The following PADI6 variants were observed in gnomAD, a reference collection of about 807,000 sequenced individuals.
The protein encoded by PADI6 is inactive protein-arginine deiminase type-6.
In PADI6, 66 loss-of-function variants were observed where a neutral mutation model predicts 78.2. The ratio of observed to expected loss-of-function variants is 0.84; its 90% CI spans 0.69 to 1.04. The LOEUF is 1.04. Among genes scored for constraint, PADI6 ranks in the 50% least tolerant of loss-of-function variants. The pLI is 0.00. For missense variants in PADI6, 854 were observed against 866.1 expected, an observed-to-expected ratio of 0.99 and a Z score of 0.18; for synonymous variants, 397 against 346.9, an observed-to-expected ratio of 1.14 and a Z score of -1.60.
At chr1:17,380,490 G>C (rs1371980403) in intron 4 of PADI6, among the ~76,000 whole-genome samples, 1 of 152,136 alleles carries the variant, frequency 6.6e-6, no homozygotes, top group East Asian at 1.9e-4. Context: ...GCCTCAGCCT[G>C]CCGAGTAGCT....
rs2489608 is a variant in PADI6 at position 17,398,857 on chromosome 1, G to A, written c.1851+10G>A. 418 of 1,612,580 alleles carry A rather than the reference G, an allele frequency of 2.6e-4. 1 individual carries two copies. The African/African-American group carries it at 3.8e-3, about 15-fold the overall frequency. ...ATACTTCCCTGACCTGGTGAGGGGC[G>A]ACTGCGCATCCCTGGGTGGGGGAGG... On this transcript the variant is annotated intron_variant, in intron 15 of 15. Transcript: ENST00000619609.
chr1:17,375,311 A>T, intron 2 of PADI6, 116 bp from the exon 3 acceptor site: 1 of 929,656 alleles, frequency 1.1e-6, no homozygotes, highest in Non-Finnish European at 1.7e-6. Context: ...GTGAGACTTC[A>T]GAAGCCATAA....
intron 6 of PADI6, among the ~76,000 whole-genome samples, chr1:17,384,461 C>G (rs959927674): frequency 1.3e-5 from 2 of 151,522 alleles, no homozygotes; most frequent in Non-Finnish European, 2.9e-5. Flanking sequence ...GAAGCCTGGC[C>G]AGGCGTGGTG....
rs1201389222 is a variant in PADI6 at position 17,401,338 on chromosome 1, A to G, written c.1985A>G (p.Asn662Ser). 1.5e-5 allele frequency: 24 copies of G among 1,614,064 alleles called. No individual in the cohort carries two copies. In the East Asian group the frequency reaches 1.6e-4, roughly 10 times the overall value. ...EPLGFKCTFI[N>S]DFDCYLTEVG... The stretch of plus-strand genomic sequence containing the variant: ...CTGGGCTTCAAGTGCACCTTCATCA[A>G]TGACTTTGACTGTTACCTGACAGAG... Residue 662 changes from asparagine (N) to serine (S), a missense_variant, in exon 16 of 16, where the codon AAT becomes AGT. Transcript: ENST00000619609.
Position 17,401,373 on chromosome 1 carries a change from A to C in PADI6, c.2020A>C (p.Ile674Leu), listed in dbSNP as rs769702877. ...CTGTTACCTGACAGAGGTCGGAGAC[A>C]TCTGTGCCTGTGCCAACATCCGCCG... ...FDCYLTEVGDICACANIRRVP... is the reference protein window; with the variant it reads ...FDCYLTEVGDLCACANIRRVP... Residue 674 changes from isoleucine to leucine, a missense_variant, in exon 16 of 16, where the codon ATC (isoleucine) becomes CTC (leucine). Ile to Leu is a conservative substitution (Grantham distance 5, BLOSUM62 2). Transcript: ENST00000619609. 6.2e-7 allele frequency: 1 copy of C among 1,614,082 alleles called. No individual in the cohort carries two copies.
rs555155489 is a variant in PADI6 at position 17,377,404 on chromosome 1, C to T, written c.367+1905C>T. On this transcript the variant is annotated intron_variant, in intron 3 of 15. Transcript: ENST00000619609. ...AGGAGCTCTTCTCAGTCCTTTGTCC[C>T]GCTGCTTCCAGTCAGTGAAGTGTCT... 7.9e-5 allele frequency among the ~76,000 whole-genome samples: 12 copies of T among 152,232 alleles called. No individual in the cohort carries two copies. In the South Asian group the frequency reaches 1.7e-3, roughly 21 times the overall value.
At position 17,372,235 on chromosome 1, in the gene PADI6, C is replaced by G; in HGVS notation, c.-11C>G. ...GCTGTGCTGAGTGAGGGCTGCGGTG[C>G]AGGCCTGAGGATGGTCAGCGTGGAG... On this transcript the variant is annotated 5_prime_UTR_variant, in exon 1 of 16. Coordinates refer to ENST00000619609, the MANE Select transcript of PADI6 (RefSeq NM_207421.4). 1 of 1,612,236 alleles carries G rather than the reference C, an allele frequency of 6.2e-7. No homozygotes were observed. The highest frequency in any genetic ancestry group is 8.5e-7 in the Non-Finnish European group (1 of 1,178,286).
intron 6 of PADI6, among the ~76,000 whole-genome samples, chr1:17,383,587 C>A (rs1557600319): frequency 1.3e-5 from 2 of 152,354 alleles, no homozygotes; most frequent in East Asian, 3.9e-4. Context: ...GTGGCTCATG[C>A]CTCTAATCCC....
In PADI6 at chr1:17,401,661, T is replaced by C; in HGVS notation, c.*223T>C. ...GCAAAAGTGTTCAGCCAAGTGACGT[T>C]TACTAAATAGCCAATAAAGGGCTGG... On this transcript the variant is annotated 3_prime_UTR_variant, in exon 16 of 16. Coordinates refer to ENST00000619609, the MANE Select transcript of PADI6 (RefSeq NM_207421.4). 1 of 556,646 alleles carries C rather than the reference T, an allele frequency of 1.8e-6. No individual in the cohort carries two copies. The highest frequency in any genetic ancestry group is 3.2e-6 in the Non-Finnish European group (1 of 312,282). 34.5% of individuals were successfully genotyped at this position (556,646 alleles called of 1,614,324 possible). A position where few individuals can be genotyped will look rare whatever the true frequency, so the allele number is the denominator to read the frequency against.
At chr1:17,388,077 C>A (rs2075139786) in intron 6 of PADI6, among the ~76,000 whole-genome samples, 1 of 152,200 alleles carries the variant, frequency 6.6e-6, no homozygotes, top group Non-Finnish European at 1.5e-5. Context: ...GTAGAACCAC[C>A]TACCCTGAGG....
intron 13 of PADI6, 42 bp downstream of exon 13, chr1:17,395,705 CT>C: frequency 4.4e-6 from 7 of 1,574,090 alleles, no homozygotes; most frequent in Admixed American, 3.5e-5. Flanking sequence ...TGGGGTCTTC[CT>C]TTTTCCAGGG....
intron 15 of PADI6, 52 bp from the exon 16 acceptor site, chr1:17,401,153 T>C: frequency 6.4e-7 from 1 of 1,566,246 alleles, no homozygotes; most frequent in South Asian, 1.1e-5. Context: ...GGCGGCTGGC[T>C]TTCAGGCCTC....
At chr1:17,374,915 A>G (rs2075000625) in intron 2 of PADI6, among the ~76,000 whole-genome samples, 1 of 152,050 alleles carries the variant, frequency 6.6e-6, no homozygotes, top group East Asian at 1.9e-4. Context: ...CTGGTGTGGG[A>G]CACAGTCCCA....
intron 2 of PADI6, among the ~76,000 whole-genome samples, chr1:17,374,773 C>T (rs573383683): frequency 6.6e-6 from 1 of 152,254 alleles, no homozygotes; most frequent in East Asian, 1.9e-4. Flanking sequence ...AGGACTAAAG[C>T]TTCTATTTAA....
chr1:17,381,010 G>T, intron 4 of PADI6, 37 bp from the exon 5 acceptor site: 1 of 1,516,538 alleles, frequency 6.6e-7, no homozygotes, highest in Non-Finnish European at 9.0e-7. Context: ...GATTTATTTG[G>T]CTCCTTCCTG....
In PADI6 at chr1:17,388,784, C is replaced by T; in HGVS notation, c.866C>T (p.Pro289Leu). The change falls in exon 8 of 16, where the codon CCA becomes CTA. Residue 289 changes from proline (P) to leucine (L), a missense_variant. Transcript: ENST00000619609. ...LVEESQDPSI[P>L]ETVLYKDTVV... ...GACCTTGTCTTGTTGCAGTCAATTCCAGAGACTGTGCTGTACAAAGACACG... is the reference window on the plus strand; with the variant it reads ...GACCTTGTCTTGTTGCAGTCAATTCTAGAGACTGTGCTGTACAAAGACACG... 6.2e-7 allele frequency: 1 copy of T among 1,613,218 alleles called. No individual in the cohort carries two copies. Among genetic ancestry groups the T allele is most frequent in the South Asian group, 1.1e-5 (1 of 90,834 alleles).
chr1:17,395,730 A>G (rs2075239893), intron 13 of PADI6, 67 bp downstream of exon 13: 1 of 1,535,204 alleles, frequency 6.5e-7, no homozygotes, highest in East Asian at 2.3e-5. Context: ...CTTTCTACAT[A>G]GCCATTCTGT....
At chr1:17,383,296 A>C (rs1338909308) in intron 6 of PADI6, among the ~76,000 whole-genome samples, 1 of 152,170 alleles carries the variant, frequency 6.6e-6, no homozygotes, top group African/African-American at 2.4e-5. Flanking sequence ...CTGGATTTCA[A>C]AGTAGCCTGG....
chr1:17,392,271 A>C, intron 9 of PADI6, 46 bp downstream of exon 9: 1 of 1,398,836 alleles, frequency 7.1e-7, no homozygotes, highest in Non-Finnish European at 9.9e-7. Context: ...GGGTGGGGAG[A>C]CTCAGCATGT....
Sources: gnomAD v4.1 joint callset for allele counts (sites outside exome capture counted in the v4.1 genomes callset) on GRCh38, gnomAD v4.1.1 for gene constraint, MANE v1.5 for transcripts, NCBI Gene and HGNC (gene_info 2026-07-23, HGNC 2026-07-21) for gene names.